The following CSMD1 variants were observed in gnomAD, a reference collection of about 807,000 sequenced individuals.
CSMD1 encodes CUB and Sushi multiple domains 1.
CSMD1 carries 213 observed loss-of-function variants against 417.5 expected under a neutral mutation model. The ratio of observed to expected loss-of-function variants is 0.51; its 90% CI spans 0.46 to 0.57. CSMD1 has a LOEUF of 0.57. Among genes scored for constraint, CSMD1 ranks in the 20% least tolerant of loss-of-function variants. CSMD1 has a pLI of 0.00. For missense variants in CSMD1, 6,923 were observed against 4,529.7 expected (o/e 1.53, Z -15.17); for synonymous variants, 2,862 against 1,736.8 (o/e 1.65, Z -16.11).
At chr8:3,386,910 T>G (rs568674900) in intron 18 of CSMD1, among the ~76,000 whole-genome samples, 109 of 152,260 alleles carry the variant, frequency 7.2e-4, no homozygotes, top group African/African-American at 2.4e-3. Flanking sequence ...TAGTATAACG[T>G]TGAGCAATAC....
chr8:4,017,987 GATTA>G (rs993263443), intron 4 of CSMD1, among the ~76,000 whole-genome samples: 4 of 152,116 alleles, frequency 2.6e-5, no homozygotes, highest in Admixed American at 2.6e-4. Flanking sequence ...GTTGCATTTT[GATTA>G]ATTGCTTCAT....
At chr8:3,957,682 T>C (rs1484236082) in intron 5 of CSMD1, among the ~76,000 whole-genome samples, 3 of 146,716 alleles carry the variant, frequency 2.0e-5, no homozygotes, top group African/African-American at 2.5e-5. Context: ...AGCAAGACCA[T>C]GTCGGAAAAA....
rs148949690 is a variant in CSMD1 at position 4,444,704 on chromosome 8, A to C, written c.303-24639T>G. On this transcript the variant is annotated intron_variant, in intron 2 of 69. Transcript: ENST00000635120. ...AAACATCAAAAAGCAGGGTCACTCT[A>C]AGCACAGGTGCATGAAGGAAAATAA... Among the ~76,000 whole-genome samples, 347 of 152,286 alleles carry C rather than the reference A, an allele frequency of 2.3e-3. 2 individuals are homozygous for C. Among genetic ancestry groups the C allele is most frequent in the African/African-American group, 8.1e-3 (335 of 41,560 alleles).
chr8:4,031,798 A>G, intron 4 of CSMD1, 107 bp downstream of exon 4: 1 of 789,206 alleles, frequency 1.3e-6, no homozygotes, highest in Non-Finnish European at 1.9e-6. Context: ...TGTAAGAGTC[A>G]GCTCAACATG....
intron 3 of CSMD1, among the ~76,000 whole-genome samples, chr8:4,032,648 T>A (rs1353495086): frequency 6.6e-6 from 1 of 152,168 alleles, no homozygotes; most frequent in African/African-American, 2.4e-5. Flanking sequence ...CATTGATCCA[T>A]CAATGTATAA....
At chr8:3,011,063 C>T (rs1808348189) in intron 52 of CSMD1, among the ~76,000 whole-genome samples, 1 of 152,158 alleles carries the variant, frequency 6.6e-6, no homozygotes, top group Non-Finnish European at 1.5e-5. Flanking sequence ...TGGTATTTAC[C>T]TTATTTACTC....
At chr8:3,137,097 T>C (rs1381334297) in intron 41 of CSMD1, among the ~76,000 whole-genome samples, 2 of 152,204 alleles carry the variant, frequency 1.3e-5, no homozygotes, top group African/African-American at 2.4e-5. Context: ...ATCATTTCTT[T>C]GTGGGGGGAA....
chr8:3,521,119 G>C (rs1455316286), intron 10 of CSMD1, among the ~76,000 whole-genome samples: 2 of 151,884 alleles, frequency 1.3e-5, no homozygotes, highest in Admixed American at 6.6e-5. Flanking sequence ...CTTTCTACCA[G>C]TCACCATTCC....
At chr8:4,541,476 C>T (rs1797382686) in intron 2 of CSMD1, among the ~76,000 whole-genome samples, 1 of 152,132 alleles carries the variant, frequency 6.6e-6, no homozygotes, top group Non-Finnish European at 1.5e-5. Context: ...CGGTAGGCGT[C>T]GTGGCTCACA....
Position 3,670,489 on chromosome 8 carries a change from G to A in CSMD1, c.1009+37925C>T, listed in dbSNP as rs796637186. On this transcript the variant is annotated intron_variant, in intron 7 of 69. Coordinates refer to ENST00000635120, the MANE Select transcript of CSMD1 (RefSeq NM_033225.6). ...TATGTATCCCATATATATATATCCC[G>A]TATATATATCCCATATATATATATA... Among the ~76,000 whole-genome samples the A allele has an allele frequency of 5.0e-3, 718 of 143,184 alleles. 8 individuals carry two copies. Among genetic ancestry groups the A allele is most frequent in the African/African-American group, 0.016 (637 of 38,704 alleles). 93.9% of individuals were successfully genotyped at this position (143,184 alleles called of 152,430 possible).
intron 26 of CSMD1, among the ~76,000 whole-genome samples, chr8:3,255,458 C>A (rs972080819): frequency 1.2e-4 from 18 of 152,328 alleles, no homozygotes; most frequent in Admixed American, 7.8e-4. Context: ...TGTGCCCTGC[C>A]CCCAGAGGTG....
intron 1 of CSMD1, among the ~76,000 whole-genome samples, chr8:4,730,081 T>C (rs563162753): frequency 1.7e-4 from 26 of 152,250 alleles, no homozygotes; most frequent in African/African-American, 6.3e-4. Flanking sequence ...ATAAATTGTA[T>C]GACATCTTTA....
At chr8:3,727,817 T>C (rs1802582173) in intron 6 of CSMD1, among the ~76,000 whole-genome samples, 1 of 152,170 alleles carries the variant, frequency 6.6e-6, no homozygotes, top group African/African-American at 2.4e-5. Context: ...ATGCCACAGA[T>C]GGGTGAGCTT....
intron 3 of CSMD1, among the ~76,000 whole-genome samples, chr8:4,266,754 T>C (rs1163944144): frequency 9.5e-6 from 1 of 105,142 alleles, no homozygotes; most frequent in African/African-American, 2.6e-5. Flanking sequence ...AATTTGATGA[T>C]CTATAAATCC....
chr8:3,454,220 T>A (rs1473621749), intron 12 of CSMD1, among the ~76,000 whole-genome samples: 1 of 152,242 alleles, frequency 6.6e-6, no homozygotes, highest in Non-Finnish European at 1.5e-5. Context: ...GCACGTTAGA[T>A]GGGTCTCCTG....
chr8:3,468,303 T>G (rs1168396965), intron 12 of CSMD1, among the ~76,000 whole-genome samples: 1 of 152,226 alleles, frequency 6.6e-6, no homozygotes, highest in African/African-American at 2.4e-5. Context: ...TTTCAAATAT[T>G]TGAATTTGGC....
chr8:4,349,126 A>C (rs1010916929), intron 3 of CSMD1, among the ~76,000 whole-genome samples: 1 of 152,242 alleles, frequency 6.6e-6, no homozygotes, highest in Non-Finnish European at 1.5e-5. Flanking sequence ...AGTAAAATTC[A>C]GTCTGAATCC....
intron 16 of CSMD1, among the ~76,000 whole-genome samples, chr8:3,399,113 C>T (rs1811879751): frequency 6.6e-6 from 1 of 152,082 alleles, no homozygotes; most frequent in Non-Finnish European, 1.5e-5. Flanking sequence ...CAGTGCAGGT[C>T]CCAAACCCAG....
At chr8:4,297,096 T>TTC (rs386411920) in intron 3 of CSMD1, among the ~76,000 whole-genome samples, 9 of 140 alleles carry the variant, frequency 0.064, no homozygotes, top group South Asian at 0.5. Flanking sequence ...GGGGAGACTC[T>TTC]AGAGCATCGT....
Sources: allele counts gnomAD v4.1 joint callset (sites outside exome capture counted in the v4.1 genomes callset), GRCh38; gene constraint gnomAD v4.1.1; transcripts MANE v1.5; gene names NCBI Gene and HGNC (gene_info 2026-07-23, HGNC 2026-07-21).